Variants in PCDH15 observed in about 807,000 individuals in gnomAD.
PCDH15 encodes the protein protocadherin-15.
PCDH15 carries 129 observed loss-of-function variants against 178.5 expected under a neutral mutation model. The observed-to-expected ratio is 0.72, with a 90% CI of 0.63 to 0.84. PCDH15 has a LOEUF of 0.84. Among genes scored for constraint, PCDH15 ranks in the 40% least tolerant of loss-of-function variants. The pLI is 0.00. For synonymous variants in PCDH15, 800 were observed against 732.0 expected (o/e 1.09, Z -1.50); for missense variants, 2,230 against 2,099.9 (o/e 1.06, Z -1.21).
intron 2 of PCDH15, among the ~76,000 whole-genome samples, chr10:55,418,155 ACAT>A (rs1411671607): frequency 6.6e-6 from 1 of 151,746 alleles, no homozygotes; most frequent in East Asian, 1.9e-4. Flanking sequence ...AAAGGGTATA[ACAT>A]CATAATAATA....
chr10:55,568,682 A>C (rs1453520464), intron 2 of PCDH15, among the ~76,000 whole-genome samples: 1 of 152,020 alleles, frequency 6.6e-6, no homozygotes, highest in Non-Finnish European at 1.5e-5. Flanking sequence ...TATCTAATGA[A>C]ATATAGTTAA....
chr10:54,297,366 G>A (rs1365647428), intron 8 of PCDH15, among the ~76,000 whole-genome samples: 1 of 152,066 alleles, frequency 6.6e-6, no homozygotes, highest in African/African-American at 2.4e-5. Flanking sequence ...GGGAAAAATG[G>A]CCACCCGAGG....
intron 8 of PCDH15, among the ~76,000 whole-genome samples, chr10:54,266,383 T>G (rs1187635814): frequency 6.6e-6 from 1 of 151,548 alleles, no homozygotes; most frequent in Non-Finnish European, 1.5e-5. Context: ...AACGTAACAT[T>G]GCACCTAAAG....
At chr10:53,850,171 G>A (rs1217522203) in intron 28 of PCDH15, among the ~76,000 whole-genome samples, 1 of 151,908 alleles carries the variant, frequency 6.6e-6, no homozygotes, top group Non-Finnish European at 1.5e-5. Flanking sequence ...AATCATCTTT[G>A]TTCCATGTGA....
intron 3 of PCDH15, among the ~76,000 whole-genome samples, chr10:54,418,929 A>T (rs1467487001): frequency 6.6e-6 from 1 of 152,066 alleles, no homozygotes; most frequent in African/African-American, 2.4e-5. Context: ...ATTAATAAAC[A>T]TTTAAAAAGT....
intron 27 of PCDH15, among the ~76,000 whole-genome samples, chr10:53,859,036 T>C (rs970856680): frequency 1.4e-5 from 2 of 141,124 alleles, no homozygotes; most frequent in African/African-American, 5.1e-5. Context: ...CCTCTCCTCC[T>C]TTTTTTCTTT....
intron 3 of PCDH15, among the ~76,000 whole-genome samples, chr10:54,834,162 T>C (rs77961204): frequency 2.1e-3 from 315 of 152,018 alleles, no homozygotes; most frequent in African/African-American, 7.2e-3. Context: ...ACCTATCAAA[T>C]AGTAAAATAT....
chr10:54,888,137 G>GT (rs944520198), intron 3 of PCDH15, among the ~76,000 whole-genome samples: 2 of 152,100 alleles, frequency 1.3e-5, no homozygotes, highest in African/African-American at 4.8e-5. Flanking sequence ...GATAAAGGAC[G>GT]TATGTATCAC....
chr10:54,691,932 G>A (rs959379058), intron 1 of PCDH15, among the ~76,000 whole-genome samples: 2 of 152,060 alleles, frequency 1.3e-5, no homozygotes, highest in African/African-American at 4.8e-5. Flanking sequence ...TATAAAGTAT[G>A]CCAAGTAATA....
At chr10:54,334,157 A>G (rs903826505) in intron 6 of PCDH15, among the ~76,000 whole-genome samples, 1 of 152,320 alleles carries the variant, frequency 6.6e-6, no homozygotes, top group East Asian at 1.9e-4. Flanking sequence ...CCTGGCCTCC[A>G]TTAAGAAAGG....
intron 1 of PCDH15, among the ~76,000 whole-genome samples, chr10:54,781,036 A>G (rs1476435359): frequency 1.3e-5 from 2 of 152,140 alleles, no homozygotes; most frequent in African/African-American, 4.8e-5. Context: ...CTTGGATTCT[A>G]TTTTATTACC....
chr10:54,040,775 G>A (rs537712242), intron 18 of PCDH15, among the ~76,000 whole-genome samples: 1 of 152,096 alleles, frequency 6.6e-6, no homozygotes, highest in South Asian at 2.1e-4. Context: ...CACTACAAAT[G>A]TGATTTTTTG....
intron 6 of PCDH15, among the ~76,000 whole-genome samples, chr10:54,336,508 A>G (rs1941178740): frequency 6.6e-6 from 1 of 152,122 alleles, no homozygotes; most frequent in African/African-American, 2.4e-5. Flanking sequence ...CCATGGCTAT[A>G]AGGAGTGAAG....
At chr10:54,264,419 T>C (rs1044464133) in intron 8 of PCDH15, among the ~76,000 whole-genome samples, 2 of 152,090 alleles carry the variant, frequency 1.3e-5, no homozygotes, top group African/African-American at 4.8e-5. Context: ...CCTAACCAGA[T>C]GTAAATGTCT....
At chr10:54,108,936 A>G (rs377428059) in intron 15 of PCDH15, among the ~76,000 whole-genome samples, 35 of 152,198 alleles carry the variant, frequency 2.3e-4, no homozygotes, top group African/African-American at 8.2e-4. Context: ...TCCTGGTAGG[A>G]CCCATCAACT....
Position 53,822,875 on chromosome 10 carries a change from G to A in PCDH15, c.4368-2645C>T. The A allele has an allele frequency of 1.9e-6, 3 of 1,614,006 alleles. No homozygotes were observed. Among genetic ancestry groups the A allele is most frequent in the Non-Finnish European group, 2.5e-6 (3 of 1,179,934 alleles). On this transcript the variant is annotated intron_variant, in intron 32 of 37. Transcript: ENST00000644397. ...GCAATGGATTGCTGCTACCTCTTTT[G>A]TTTGTACAGATTCCAGTGTTTTCAT...
chr10:54,374,795 C>T (rs1948163528), intron 4 of PCDH15, among the ~76,000 whole-genome samples: 2 of 152,116 alleles, frequency 1.3e-5, no homozygotes, highest in Non-Finnish European at 2.9e-5. Context: ...CATAGTCATA[C>T]AATCTCATGT....
intron 2 of PCDH15, among the ~76,000 whole-genome samples, chr10:54,637,533 C>T (rs2093885808): frequency 6.6e-6 from 1 of 152,030 alleles, no homozygotes; most frequent in Non-Finnish European, 1.5e-5. Flanking sequence ...CCACTCACAA[C>T]ACGCACTTAT....
intron 1 of PCDH15, among the ~76,000 whole-genome samples, chr10:54,716,931 A>G (rs997388081): frequency 6.8e-6 from 1 of 147,216 alleles, no homozygotes; most frequent in Non-Finnish European, 1.5e-5. Flanking sequence ...AATGGAACAG[A>G]ACAGAGCCCT....
Sources: gnomAD v4.1 joint callset for allele counts (sites outside exome capture counted in the v4.1 genomes callset) on GRCh38, gnomAD v4.1.1 for gene constraint, MANE v1.5 for transcripts, NCBI Gene and HGNC (gene_info 2026-07-23, HGNC 2026-07-21) for gene names.